GREB1L: variants seen among roughly 807,000 people sequenced by gnomAD.
The protein encoded by GREB1L is GREB1-like protein.
Under a neutral mutation model 200.8 loss-of-function variants are expected in GREB1L, and 17 were observed. That is an observed-to-expected ratio of 0.08 (90% CI 0.06 to 0.13). The LOEUF is 0.13. GREB1L is among the 10% of genes least tolerant of loss of function. The pLI is 1.00. For synonymous variants in GREB1L, 789 were observed against 893.0 expected (o/e 0.88, Z 2.08); for missense variants, 1,657 against 2,367.7 (o/e 0.70, Z 6.23).
chr18:21,365,567 A>T (rs1404549408), intron 1 of GREB1L, among the ~76,000 whole-genome samples: 2 of 152,136 alleles, frequency 1.3e-5, no homozygotes, highest in African/African-American at 4.8e-5. Flanking sequence ...AATCAATAGT[A>T]ATTATGTTTT....
intron 1 of GREB1L, among the ~76,000 whole-genome samples, chr18:21,355,427 C>T (rs149272597): frequency 1.4e-4 from 21 of 152,012 alleles, no homozygotes; most frequent in Non-Finnish European, 2.4e-4. Context: ...CTCCTGACCT[C>T]GTGATCCACC....
chr18:21,468,975 T>C, intron 15 of GREB1L: 1 of 316,510 alleles, frequency 3.2e-6, no homozygotes, highest in Non-Finnish European at 6.3e-6. Context: ...TGTTTTATTA[T>C]TGGTGATGTT....
intron 19 of GREB1L, among the ~76,000 whole-genome samples, chr18:21,494,035 G>A (rs1185269520): frequency 1.3e-5 from 2 of 152,002 alleles, no homozygotes; most frequent in East Asian, 1.9e-4. Context: ...GATACCATGC[G>A]TCCAGTGTGA....
At chr18:21,443,474 G>A (rs914549016) in intron 10 of GREB1L, among the ~76,000 whole-genome samples, 37 of 151,942 alleles carry the variant, frequency 2.4e-4, no homozygotes, top group African/African-American at 8.0e-4. Flanking sequence ...CCCAAAGTGC[G>A]GGGATTATAG....
chr18:21,278,099 G>T (rs1262116542), intron 1 of GREB1L, among the ~76,000 whole-genome samples: 1 of 152,140 alleles, frequency 6.6e-6, no homozygotes, highest in Non-Finnish European at 1.5e-5. Flanking sequence ...TTACAACAAG[G>T]CTGGGCACAG....
At chr18:21,511,218 G>T (rs2037225476) in intron 27 of GREB1L, among the ~76,000 whole-genome samples, 1 of 152,020 alleles carries the variant, frequency 6.6e-6, no homozygotes, top group Non-Finnish European at 1.5e-5. Context: ...TACAAAATTA[G>T]CCTGGCATGG....
chr18:21,393,561 C>T (rs773211918), intron 4 of GREB1L, among the ~76,000 whole-genome samples: 5 of 152,050 alleles, frequency 3.3e-5, no homozygotes, highest in Non-Finnish European at 4.4e-5. Context: ...CTGCAAGCTC[C>T]GCCTCTACAG....
At chr18:21,294,564 T>C (rs147472869) in intron 1 of GREB1L, among the ~76,000 whole-genome samples, 92 of 151,988 alleles carry the variant, frequency 6.1e-4, no homozygotes, top group Non-Finnish European at 3.1e-4. Flanking sequence ...AGAAAAGCCA[T>C]GTGGCTTGGT....
intron 7 of GREB1L, among the ~76,000 whole-genome samples, chr18:21,407,637 T>C (rs1302174305): frequency 6.6e-6 from 1 of 152,042 alleles, no homozygotes. Flanking sequence ...TATTTTAAAC[T>C]TCATAAGTCA....
At chr18:21,268,683 T>C (rs2038030362) in intron 1 of GREB1L, among the ~76,000 whole-genome samples, 1 of 150,390 alleles carries the variant, frequency 6.6e-6, no homozygotes, top group African/African-American at 2.4e-5. Flanking sequence ...CTGAAACTTC[T>C]GCCTCCTAGG....
chr18:21,460,163 GT>G (rs978146008), intron 15 of GREB1L, among the ~76,000 whole-genome samples: 10 of 146,954 alleles, frequency 6.8e-5, no homozygotes, highest in Admixed American at 6.7e-4. Flanking sequence ...GTTTTGTCTT[GT>G]TTTTGTTTTC....
At chr18:21,276,989 TGCGATCTTGGCTC>T (rs2038178598) in intron 1 of GREB1L, among the ~76,000 whole-genome samples, 1 of 143,328 alleles carries the variant, frequency 7.0e-6, no homozygotes, top group South Asian at 2.3e-4. Context: ...AGTGCAGTGG[TGCGATCTTGGCTC>T]GCTGTAAGCT....
At chr18:21,490,757 G>C (rs1424626616) in intron 19 of GREB1L, among the ~76,000 whole-genome samples, 4 of 152,130 alleles carry the variant, frequency 2.6e-5, no homozygotes, top group African/African-American at 9.7e-5. Flanking sequence ...ATTCTTTTCT[G>C]TTCATCTAGC....
At chr18:21,435,602 G>A (rs2033484467) in intron 7 of GREB1L, among the ~76,000 whole-genome samples, 2 of 152,186 alleles carry the variant, frequency 1.3e-5, no homozygotes, top group Non-Finnish European at 2.9e-5. Context: ...AAGCAATTCA[G>A]ATTCAGGGAA....
chr18:21,351,826 C>CTATTT lies in GREB1L; in HGVS notation c.-119-14180_-119-14176dup, dbSNP rs369092840. Among the ~76,000 whole-genome samples the CTATTT allele has an allele frequency of 4.7e-3, 708 of 151,946 alleles. 1 individual carries two copies. Among genetic ancestry groups the CTATTT allele is most frequent in the Middle Eastern group, 0.01 (3 of 294 alleles). ...TTTTGCAAAGCTTCACCTATGCAAG[C>CTATTT]TATTTTATTTTATTTTATTTTATTT... On this transcript the variant is annotated intron_variant, in intron 1 of 32. Transcript: ENST00000424526.
chr18:21,365,636 C>G (rs953131051), intron 1 of GREB1L, among the ~76,000 whole-genome samples: 1 of 152,030 alleles, frequency 6.6e-6, no homozygotes, highest in African/African-American at 2.4e-5. Context: ...GATTATTACT[C>G]CTAAATTCCT....
At chr18:21,477,900 T>A (rs2035769425) in intron 17 of GREB1L, among the ~76,000 whole-genome samples, 2 of 152,370 alleles carry the variant, frequency 1.3e-5, no homozygotes, top group South Asian at 4.1e-4. Flanking sequence ...TAAATTTGAT[T>A]AGGTGGTTCT....
chr18:21,315,859 G>A (rs550513288), intron 1 of GREB1L, among the ~76,000 whole-genome samples: 42 of 152,124 alleles, frequency 2.8e-4, no homozygotes, highest in Admixed American at 5.9e-4. Flanking sequence ...AGCCTGCTCC[G>A]CCTCCCAGCT....
chr18:21,505,373 G>A (rs1450497614), intron 23 of GREB1L, 39 bp from the exon 24 acceptor site: 2 of 1,528,918 alleles, frequency 1.3e-6, no homozygotes, highest in Non-Finnish European at 1.8e-6. Flanking sequence ...GGAAGAGGGA[G>A]GCCAGTCACC....
Sources: gnomAD v4.1 joint callset for allele counts (sites outside exome capture counted in the v4.1 genomes callset) on GRCh38, gnomAD v4.1.1 for gene constraint, MANE v1.5 for transcripts, NCBI Gene and HGNC (gene_info 2026-07-23, HGNC 2026-07-21) for gene names.